The following NPAS3 variants were observed in gnomAD, a reference collection of about 807,000 sequenced individuals.
NPAS3 encodes neuronal PAS domain-containing protein 3.
In NPAS3, 14 loss-of-function variants were observed where a neutral mutation model predicts 73.1. The observed-to-expected ratio is 0.19, with a 90% CI of 0.13 to 0.30. The LOEUF is 0.30. NPAS3 is among the 10% of genes least tolerant of loss of function. The pLI, the probability that NPAS3 is intolerant of heterozygous loss-of-function variation, is 1.00. For synonymous variants in NPAS3, 620 were observed against 541.5 expected (o/e 1.14, Z -2.01); for missense variants, 1,096 against 1,250.0 (o/e 0.88, Z 1.86).
At chr14:33,000,706 A>G (rs372011369) in intron 1 of NPAS3, among the ~76,000 whole-genome samples, 62 of 152,272 alleles carry the variant, frequency 4.1e-4, no homozygotes, top group African/African-American at 1.4e-3. Context: ...ACATAAAAAC[A>G]TAGTCATAAC....
At chr14:33,497,834 A>G (rs2052286410) in intron 4 of NPAS3, among the ~76,000 whole-genome samples, 1 of 152,208 alleles carries the variant, frequency 6.6e-6, no homozygotes, top group African/African-American at 2.4e-5. Flanking sequence ...ACAAAAGCCA[A>G]AATTGACAAA....
intron 5 of NPAS3, among the ~76,000 whole-genome samples, chr14:33,622,555 A>G (rs1453059738): frequency 6.6e-6 from 1 of 152,228 alleles, no homozygotes; most frequent in Non-Finnish European, 1.5e-5. Context: ...CAGATTTGAC[A>G]GATCTTAAAG....
At chr14:33,387,802 T>C (rs1322866980) in intron 4 of NPAS3, among the ~76,000 whole-genome samples, 1 of 152,254 alleles carries the variant, frequency 6.6e-6, no homozygotes, top group Non-Finnish European at 1.5e-5. Context: ...ATTTATGTAA[T>C]TATTTACTGA....
chr14:33,443,807 G>C (rs2049360264), intron 4 of NPAS3, among the ~76,000 whole-genome samples: 1 of 152,188 alleles, frequency 6.6e-6, no homozygotes, highest in African/African-American at 2.4e-5. Flanking sequence ...TGGAAGAGAT[G>C]CCTCTGAGTT....
At chr14:33,148,595 T>C (rs1433333565) in intron 2 of NPAS3, among the ~76,000 whole-genome samples, 5 of 152,212 alleles carry the variant, frequency 3.3e-5, no homozygotes. Flanking sequence ...AAAATATGTT[T>C]TTAAAATTAA....
At chr14:33,659,743 A>C (rs764596647) in intron 5 of NPAS3, among the ~76,000 whole-genome samples, 5 of 152,192 alleles carry the variant, frequency 3.3e-5, no homozygotes, top group Non-Finnish European at 7.4e-5. Context: ...GCAAAAAAAA[A>C]AGTAGCATTA....
At chr14:33,414,522 C>T (rs1452044207) in intron 4 of NPAS3, among the ~76,000 whole-genome samples, 1 of 152,096 alleles carries the variant, frequency 6.6e-6, no homozygotes, top group Non-Finnish European at 1.5e-5. Flanking sequence ...CTGCTCATTA[C>T]TCCTATCTTT....
intron 1 of NPAS3, among the ~76,000 whole-genome samples, chr14:32,959,083 C>T (rs986986232): frequency 1.3e-5 from 2 of 152,096 alleles, no homozygotes; most frequent in Non-Finnish European, 2.9e-5. Flanking sequence ...TGTGTTGGGC[C>T]CTGGGTTGGA....
intron 1 of NPAS3, among the ~76,000 whole-genome samples, chr14:32,962,247 G>A (rs2036953837): frequency 6.6e-6 from 1 of 152,076 alleles, no homozygotes; most frequent in Admixed American, 6.6e-5. Context: ...ATTAATATTG[G>A]TTTAAATTGA....
chr14:33,371,523 C>T (rs1412564644), intron 4 of NPAS3, among the ~76,000 whole-genome samples: 1 of 152,154 alleles, frequency 6.6e-6, no homozygotes, highest in Non-Finnish European at 1.5e-5. Context: ...AAATCAGTAT[C>T]TCATGGTCAT....
chr14:33,271,153 G>T (rs2041058202), intron 3 of NPAS3, among the ~76,000 whole-genome samples: 1 of 152,204 alleles, frequency 6.6e-6, no homozygotes, highest in African/African-American at 2.4e-5. Flanking sequence ...CTGATCTAAG[G>T]CTCATAGATT....
At chr14:33,719,527 T>C (rs1718754821) in intron 6 of NPAS3, among the ~76,000 whole-genome samples, 1 of 152,214 alleles carries the variant, frequency 6.6e-6, no homozygotes, top group South Asian at 2.1e-4. Flanking sequence ...CAATATATTT[T>C]CTAAATACAT....
chr14:33,719,492 C>G (rs1416585463), intron 6 of NPAS3, among the ~76,000 whole-genome samples: 1 of 152,144 alleles, frequency 6.6e-6, no homozygotes, highest in Admixed American at 6.5e-5. Context: ...TTACTCAAAG[C>G]AAATACATTA....
At chr14:33,243,162 A>G (rs985337189) in intron 3 of NPAS3, among the ~76,000 whole-genome samples, 3 of 152,304 alleles carry the variant, frequency 2.0e-5, no homozygotes, top group East Asian at 3.9e-4. Flanking sequence ...AAAAATTATT[A>G]CTAACATAAT....
chr14:33,316,865 G>A (rs902050892), intron 3 of NPAS3, among the ~76,000 whole-genome samples: 1 of 152,250 alleles, frequency 6.6e-6, no homozygotes, highest in Admixed American at 6.5e-5. Flanking sequence ...ATCTAAGGAA[G>A]AGCAGTCATA....
intron 2 of NPAS3, among the ~76,000 whole-genome samples, chr14:33,091,222 A>G (rs2042213624): frequency 6.6e-6 from 1 of 152,206 alleles, no homozygotes; most frequent in Admixed American, 6.5e-5. Context: ...GAAAAGATCA[A>G]CAAAATTGAT....
intron 4 of NPAS3, among the ~76,000 whole-genome samples, chr14:33,374,683 C>T (rs1292139270): frequency 7.7e-6 from 1 of 130,064 alleles, no homozygotes; most frequent in African/African-American, 3.0e-5. Flanking sequence ...CTCTTTATAA[C>T]AATGTTGGGG....
At chr14:33,545,253 GC>G (rs1264170233) in intron 4 of NPAS3, among the ~76,000 whole-genome samples, 1 of 151,914 alleles carries the variant, frequency 6.6e-6, no homozygotes, top group Admixed American at 6.6e-5. Context: ...TAGTTTAACT[GC>G]CCTTAGTAGA....
intron 1 of NPAS3, among the ~76,000 whole-genome samples, chr14:32,984,291 C>T (rs1485350666): frequency 6.6e-6 from 1 of 152,166 alleles, no homozygotes; most frequent in Non-Finnish European, 1.5e-5. Flanking sequence ...TCCAGCTGTT[C>T]TTCAAGGATC....
Sources: gnomAD v4.1 joint callset for allele counts (sites outside exome capture counted in the v4.1 genomes callset) on GRCh38, gnomAD v4.1.1 for gene constraint, MANE v1.5 for transcripts, NCBI Gene and HGNC (gene_info 2026-07-23, HGNC 2026-07-21) for gene names.